Variants in CLPB observed in about 807,000 individuals in gnomAD.
The protein encoded by CLPB is ClpB family mitochondrial disaggregase.
A neutral mutation model predicts 78.4 loss-of-function variants in CLPB; 40 were observed. That is an observed-to-expected ratio of 0.51 (90% CI 0.40 to 0.66). The LOEUF is 0.66. Among genes scored for constraint, CLPB ranks in the 30% least tolerant of loss-of-function variants. The pLI, the probability that CLPB is intolerant of heterozygous loss-of-function variation, is 0.00. For synonymous variants in CLPB, 333 were observed against 348.0 expected, an observed-to-expected ratio of 0.96 and a Z score of 0.48; for missense variants, 780 against 886.9, an observed-to-expected ratio of 0.88 and a Z score of 1.53.
chr11:72,339,380 G>A (rs1361654059), intron 5 of CLPB, among the ~76,000 whole-genome samples: 1 of 152,210 alleles, frequency 6.6e-6, no homozygotes, highest in Non-Finnish European at 1.5e-5. Flanking sequence ...GGGCCATCAT[G>A]TTAAATTGGG....
intron 6 of CLPB, among the ~76,000 whole-genome samples, chr11:72,319,963 C>T (rs549277993): frequency 2.0e-5 from 3 of 152,274 alleles, no homozygotes; most frequent in Admixed American, 6.5e-5. Flanking sequence ...TGGCTCAAGC[C>T]GAAGCCATGA....
chr11:72,360,694 C>T (rs1383900903), intron 4 of CLPB, among the ~76,000 whole-genome samples: 9 of 152,298 alleles, frequency 5.9e-5, no homozygotes, highest in Non-Finnish European at 1.2e-4. Context: ...GCCTCAGCCT[C>T]CCAAAGTGCT....
chr11:72,294,807 C>A, intron 12 of CLPB, 114 bp from the exon 13 acceptor site: 1 of 899,916 alleles, frequency 1.1e-6, no homozygotes, highest in Non-Finnish European at 1.8e-6. Flanking sequence ...TCTGTGTGGT[C>A]CTGGTCAAGG....
chr11:72,349,051 G>C (rs1950565789), intron 5 of CLPB, among the ~76,000 whole-genome samples: 1 of 152,214 alleles, frequency 6.6e-6, no homozygotes, highest in Non-Finnish European at 1.5e-5. Context: ...GTGGTTAGTT[G>C]TAAGAAAATA....
chr11:72,406,441 A>C (rs1855712807), intron 2 of CLPB, among the ~76,000 whole-genome samples: 1 of 152,208 alleles, frequency 6.6e-6, no homozygotes, highest in Non-Finnish European at 1.5e-5. Flanking sequence ...TCAGACCCCG[A>C]TTTGAATTCT....
intron 6 of CLPB, among the ~76,000 whole-genome samples, chr11:72,317,924 C>T (rs1019447392): frequency 3.3e-5 from 5 of 152,192 alleles, no homozygotes; most frequent in Non-Finnish European, 5.9e-5. Flanking sequence ...CTTGGTTGCC[C>T]GCACAGAAGA....
intron 2 of CLPB, among the ~76,000 whole-genome samples, chr11:72,418,184 A>G (rs925593252): frequency 1.3e-5 from 2 of 152,160 alleles, no homozygotes; most frequent in African/African-American, 4.8e-5. Context: ...GGTTTCTATC[A>G]ACCAATCAAT....
At chr11:72,314,777 C>T (rs1350361620) in intron 7 of CLPB, among the ~76,000 whole-genome samples, 4 of 151,698 alleles carry the variant, frequency 2.6e-5, no homozygotes, top group Non-Finnish European at 5.9e-5. Flanking sequence ...GGATTGCAAG[C>T]AGAGAGGGTG....
chr11:72,407,748 G>A (rs1397322005), intron 2 of CLPB, among the ~76,000 whole-genome samples: 3 of 151,712 alleles, frequency 2.0e-5, no homozygotes, highest in East Asian at 1.9e-4. Context: ...CCGAGTTCAC[G>A]CCATTCTCCT....
chr11:72,315,523 T>C lies in CLPB; in HGVS notation c.988+1583A>G, dbSNP rs184100499. ...TGAGGCTGACGCTTTATCTCCTCCG[T>C]TTGTAAGGTGGTAACTGTGCGCCAG... is the stretch of plus-strand genomic sequence containing the variant. On this transcript the variant is annotated intron_variant, in intron 7 of 15. Transcript: ENST00000538039. 3.0e-3 allele frequency among the ~76,000 whole-genome samples: 460 copies of C among 152,302 alleles called. 21 individuals carry two copies. The highest frequency in any genetic ancestry group is 0.029 in the Admixed American group (446 of 15,302).
At chr11:72,409,864 C>A (rs759676248) in intron 2 of CLPB, among the ~76,000 whole-genome samples, 11 of 152,214 alleles carry the variant, frequency 7.2e-5, no homozygotes, top group Non-Finnish European at 1.6e-4. Flanking sequence ...GTAATCCCAG[C>A]TACTCCGGAG....
At chr11:72,299,902 G>A (rs1949624533) in intron 11 of CLPB, among the ~76,000 whole-genome samples, 2 of 152,114 alleles carry the variant, frequency 1.3e-5, no homozygotes, top group African/African-American at 4.8e-5. Flanking sequence ...GGGGAGACAG[G>A]GCTTCCATGT....
At chr11:72,400,135 A>G (rs1362300650) in intron 3 of CLPB, among the ~76,000 whole-genome samples, 3 of 152,210 alleles carry the variant, frequency 2.0e-5, no homozygotes, top group Admixed American at 6.5e-5. Context: ...CACAACTAAT[A>G]CAGAAATAAG....
In CLPB at chr11:72,293,519, T is replaced by G. The variant is rs751731867; in HGVS notation, c.1882A>C (p.Lys628Gln). 5.6e-6 allele frequency: 9 copies of G among 1,613,968 alleles called. No individual in the cohort carries two copies. Among genetic ancestry groups the G allele is most frequent in the Non-Finnish European group, 7.6e-6 (9 of 1,180,010 alleles). The part of the protein sequence containing the change: ...TLRITVEDSD[K>Q]QLLKSPELPS... ...AGTTCTGGGCTTTTGAGTAGCTGCT[T>G]GTCTGAGTCCTCCACCGTGATGCGC... Residue 628 changes from lysine (K) to glutamine (Q), a missense_variant, in exon 16 of 16, where the codon AAG becomes CAG. Lys to Gln is a moderately conservative substitution (Grantham distance 53, BLOSUM62 1). Transcript: ENST00000538039.
chr11:72,317,327 C>T (rs538148108), intron 6 of CLPB, 107 bp from the exon 7 acceptor site: 4 of 765,850 alleles, frequency 5.2e-6, no homozygotes, highest in Non-Finnish European at 8.2e-6. Context: ...TCCAGGGGTC[C>T]TGCTTCATAG....
chr11:72,380,276 C>T lies in CLPB; in HGVS notation c.646+5G>A. The T allele has an allele frequency of 6.2e-7, 1 of 1,609,848 alleles. No individual in the cohort carries two copies. The highest frequency in any genetic ancestry group is 1.3e-5 in the African/African-American group (1 of 74,954). On this transcript the variant is annotated splice_donor_5th_base_variant and intron_variant, in intron 4 of 15. Transcript: ENST00000538039. ...TCTCAGAGAAGCAGGACAGCCCACA[C>T]TTACCTTCCAAAGAATGGATTCCCT...
rs190935752 is a variant in CLPB at position 72,327,740 on chromosome 11, G to A, written c.873+1967C>T. ...ATGAGCATGCAGTCCCTAAGATTAT[G>A]CACAACAGTGCTGAGGGATTTCCTT... On this transcript the variant is annotated intron_variant, in intron 6 of 15. Coordinates refer to ENST00000538039, the MANE Select transcript of CLPB (RefSeq NM_001258392.3). Among the ~76,000 whole-genome samples, 49 of 152,334 alleles carry A rather than the reference G, an allele frequency of 3.2e-4. No homozygotes were observed. The East Asian group carries it at 8.9e-3, about 28-fold the overall frequency.
At chr11:72,381,678 G>A (rs1434193752) in intron 3 of CLPB, among the ~76,000 whole-genome samples, 1 of 152,130 alleles carries the variant, frequency 6.6e-6, no homozygotes, top group Non-Finnish European at 1.5e-5. Context: ...TAGTTATCAG[G>A]CCTACACCAG....
Position 72,301,844 on chromosome 11 carries a change from G to A in CLPB, c.1288C>T (p.His430Tyr), listed in dbSNP as rs1949661388. ...AGCATGATGGTGAGCACATCTGGATGGGCCTTGTCTACTTCATCAAAGAGC... is the reference window on the plus strand; with the variant it reads ...AGCATGATGGTGAGCACATCTGGATAGGCCTTGTCTACTTCATCAAAGAGC... ...VVLFDEVDKA[H>Y]PDVLTIMLQL... Residue 430 changes from histidine (H) to tyrosine (Y), a missense_variant, in exon 11 of 16, where the codon CAT becomes TAT. Coordinates refer to ENST00000538039, the MANE Select transcript of CLPB (RefSeq NM_001258392.3). The A allele has an allele frequency of 1.2e-6, 2 of 1,614,062 alleles. No individual in the cohort carries two copies. Among genetic ancestry groups the A allele is most frequent in the African/African-American group, 1.3e-5 (1 of 74,930 alleles).
Sources: allele counts gnomAD v4.1 joint callset (sites outside exome capture counted in the v4.1 genomes callset), GRCh38; gene constraint gnomAD v4.1.1; transcripts MANE v1.5; gene names NCBI Gene and HGNC (gene_info 2026-07-23, HGNC 2026-07-21).